The following VAMP1 variants were observed in gnomAD, a reference collection of about 807,000 sequenced individuals.
VAMP1 encodes the protein vesicle associated membrane protein 1, also known as vesicle-associated membrane protein 1.
In VAMP1, 16 loss-of-function variants were observed where a neutral mutation model predicts 19.1. That is an observed-to-expected ratio of 0.84 (90% CI 0.57 to 1.27). The LOEUF is 1.27. VAMP1 is among the 50% of genes most tolerant of loss of function. The pLI, the probability that VAMP1 is intolerant of heterozygous loss-of-function variation, is 0.00. For synonymous variants in VAMP1, 37 were observed against 50.2 expected, an observed-to-expected ratio of 0.74 and a Z score of 1.11; for missense variants, 109 against 145.4, an observed-to-expected ratio of 0.75 and a Z score of 1.29.
At chr12:6,470,421 C>T in intron 1 of VAMP1, 109 bp downstream of exon 1, 3 of 1,541,300 alleles carry the variant, frequency 1.9e-6, no homozygotes, top group South Asian at 2.3e-5. Flanking sequence ...TGGTAGTTCC[C>T]CGCGTTGCTG....
At chr12:6,470,415 A>G in intron 1 of VAMP1, 115 bp downstream of exon 1, 2 of 1,485,550 alleles carry the variant, frequency 1.3e-6, no homozygotes, top group Non-Finnish European at 9.3e-7. Flanking sequence ...GCGCGGTGGT[A>G]GTTCCCCGCG....
In VAMP1 at chr12:6,470,636, T is replaced by TCG; in HGVS notation, c.-107_-106dup. The TCG allele has an allele frequency of 6.7e-7, 1 of 1,487,340 alleles. No homozygotes were observed. The highest frequency in any genetic ancestry group is 1.2e-5 in the South Asian group (1 of 86,486). 92.1% of individuals were successfully genotyped at this position (1,487,340 alleles called of 1,614,324 possible). On this transcript the variant is annotated 5_prime_UTR_variant, in exon 1 of 5. Transcript: ENST00000396308. ...GTGGACGGAACTGCCAAGCTCCGCC[T>TCG]CGCGCCGACTACCCCGCGGTCTAGC...
At position 6,464,325 on chromosome 12, in the gene VAMP1, C is replaced by T. The variant is rs1056780775; in HGVS notation, c.*145G>A. ...TGTTGAGGGACAGAGTGCAAATGAA[C>T]GCAACGAAAAAGGAGGAATGGGTGA... On this transcript the variant is annotated 3_prime_UTR_variant, in exon 5 of 5. Transcript: ENST00000396308. The T allele has an allele frequency of 3.4e-5, 53 of 1,547,970 alleles. 1 individual carries two copies. The highest frequency in any genetic ancestry group is 8.4e-5 in the South Asian group (7 of 83,660).
chr12:6,470,659 A>T lies in VAMP1; in HGVS notation c.-128T>A. On this transcript the variant is annotated 5_prime_UTR_variant, in exon 1 of 5. Coordinates refer to ENST00000396308, the MANE Select transcript of VAMP1 (RefSeq NM_014231.5). ...CCTCGCGCCGACTACCCCGCGGTCT[A>T]GCTGCGCTGGAACTTACTGCAGCTG... The T allele has an allele frequency of 7.9e-7, 1 of 1,266,198 alleles. No individual in the cohort carries two copies. Among genetic ancestry groups the T allele is most frequent in the South Asian group, 1.2e-5 (1 of 80,320 alleles). The allele number at this position is 1,266,198 out of a possible 1,614,324, so 78.4% of individuals were successfully genotyped here.
At position 6,464,906 on chromosome 12, in the gene VAMP1, G is replaced by T; in HGVS notation, c.324C>A (p.Ile108=). The change falls in exon 4 of 5, where the codon ATC becomes ATA. Residue 108 remains isoleucine, a synonymous_variant. Transcript: ENST00000396308. ...GATACTTACTTACAATAACTACCAC[G>T]ATGATGGCACAGATGGCTCCCAGCA... is the stretch of plus-strand genomic sequence containing the variant. ...MIMLGAICAI[I]VVVIVIYFFT 1 of 1,613,874 alleles carries T rather than the reference G, an allele frequency of 6.2e-7. No individual in the cohort carries two copies. The highest frequency in any genetic ancestry group is 1.3e-5 in the African/African-American group (1 of 74,992).
Position 6,464,914 on chromosome 12 carries a change from C to T in VAMP1, c.316G>A (p.Ala106Thr), listed in dbSNP as rs1273511244. ...KMMIMLGAICAIIVVVIVIYF... is the reference protein window; with the variant it reads ...KMMIMLGAICTIIVVVIVIYF... Reference sequence around the variant, plus strand: ...CTTACAATAACTACCACGATGATGGCACAGATGGCTCCCAGCATGATCATC... The same window carrying T: ...CTTACAATAACTACCACGATGATGGTACAGATGGCTCCCAGCATGATCATC... Residue 106 changes from alanine (A) to threonine (T), a missense_variant, in exon 4 of 5, where the codon GCC (alanine) becomes ACC (threonine). By Grantham distance (58) the Ala-to-Thr change is moderately conservative (BLOSUM62 0). Transcript: ENST00000396308. 1.9e-6 allele frequency: 3 copies of T among 1,613,880 alleles called. No homozygotes were observed. Among genetic ancestry groups the T allele is most frequent in the Admixed American group, 1.7e-5 (1 of 59,994 alleles).
At chr12:6,466,487 AG>A (rs1295137406) in intron 1 of VAMP1, 136 bp from the exon 2 acceptor site, 2 of 900,954 alleles carry the variant, frequency 2.2e-6, no homozygotes, top group East Asian at 5.5e-5. Flanking sequence ...GTTCGAGGCC[AG>A]CCTGGGCATC....
chr12:6,464,689 C>A (rs1009142354), intron 4 of VAMP1: 5 of 1,493,550 alleles, frequency 3.3e-6, no homozygotes, highest in Non-Finnish European at 4.4e-6. Flanking sequence ...CCCTGCAATG[C>A]GTTGCAGGGG....
chr12:6,469,728 G>A (rs1379474159), intron 1 of VAMP1, among the ~76,000 whole-genome samples: 1 of 152,210 alleles, frequency 6.6e-6, no homozygotes, highest in Non-Finnish European at 1.5e-5. Context: ...GGTCTTGACA[G>A]AGAAGTACTT....
Position 6,462,955 on chromosome 12 carries a change from G to C in VAMP1, c.*1515C>G, listed in dbSNP as rs1294106827. On this transcript the variant is annotated 3_prime_UTR_variant, in exon 5 of 5. Coordinates refer to ENST00000396308, the MANE Select transcript of VAMP1 (RefSeq NM_014231.5). Reference sequence around the variant, plus strand: ...TGGGCATCCAGACCCTGCCCAGCATGGCCTCAGCCTCTTCCTGTTCGTGGA... The same window carrying C: ...TGGGCATCCAGACCCTGCCCAGCATCGCCTCAGCCTCTTCCTGTTCGTGGA... 1.3e-6 allele frequency: 2 copies of C among 1,553,776 alleles called. No individual in the cohort carries two copies. Among genetic ancestry groups the C allele is most frequent in the Admixed American group, 3.9e-5 (2 of 51,088 alleles).
chr12:6,463,007 T>C lies in VAMP1; in HGVS notation c.*1463A>G, dbSNP rs1357972911. ...CGAGGGAAGAAGGAATAAAGGGCCA[T>C]GGGCATTCTCCGCTCTGTTCCCAGC... On this transcript the variant is annotated 3_prime_UTR_variant, in exon 5 of 5. Coordinates refer to ENST00000396308, the MANE Select transcript of VAMP1 (RefSeq NM_014231.5). The surrounding 1 kb of genome is among the most constrained non-coding windows in gnomAD (Gnocchi z 4.0). 6 of 1,549,704 alleles carry C rather than the reference T, an allele frequency of 3.9e-6. No individual in the cohort carries two copies. The highest frequency in any genetic ancestry group is 2.4e-5 in the East Asian group (1 of 40,916).
At position 6,465,971 on chromosome 12, in the gene VAMP1, GT is replaced by G; in HGVS notation, c.158del (p.Asp53AlafsTer34). The G allele has an allele frequency of 6.2e-7, 1 of 1,614,250 alleles. No homozygotes were observed. Among genetic ancestry groups the G allele is most frequent in the Non-Finnish European group, 8.5e-7 (1 of 1,180,046 alleles). ...EVVDIIRVNV[D>X]KVLERDQKLS... Reference sequence around the variant, plus strand: ...GCTTCTGGTCCCTCTCCAGGACCTTGTCCACGTTCACACGTATGATGTCCAC... The same window carrying G: ...GCTTCTGGTCCCTCTCCAGGACCTTGCCACGTTCACACGTATGATGTCCAC... On this transcript the variant is annotated frameshift_variant, in exon 3 of 5. Transcript: ENST00000396308. LOFTEE classifies it high-confidence loss of function.
Position 6,465,458 on chromosome 12 carries a change from GTA to G in VAMP1, c.288+382_288+383del, listed in dbSNP as rs1285888979. ...TATATATATGTATATATACATATGT[GTA>G]TATATAGTGTGTGTGTGTGTGTGTG... On this transcript the variant is annotated intron_variant, in intron 3 of 4. Coordinates refer to ENST00000396308, the MANE Select transcript of VAMP1 (RefSeq NM_014231.5). The G allele has an allele frequency of 3.9e-5, 4 of 101,846 alleles. 1 individual carries two copies. The Admixed American group carries it at 4.8e-4, about 12-fold the overall frequency. The allele number at this position is 101,846 out of a possible 1,614,324, so 6.3% of individuals were successfully genotyped here.
chr12:6,464,821 G>A (rs1048103146), intron 4 of VAMP1, 69 bp downstream of exon 4: 2 of 1,606,726 alleles, frequency 1.2e-6, no homozygotes, highest in African/African-American at 2.7e-5. Context: ...CAGGCAGGCA[G>A]GCAGGCAGGG....
At chr12:6,469,800 G>A (rs1945724204) in intron 1 of VAMP1, among the ~76,000 whole-genome samples, 1 of 152,176 alleles carries the variant, frequency 6.6e-6, no homozygotes, top group Non-Finnish European at 1.5e-5. Flanking sequence ...GAAGACTGCT[G>A]GAGACTAAAC....
At chr12:6,469,825 GA>G (rs1945725235) in intron 1 of VAMP1, among the ~76,000 whole-genome samples, 2 of 152,202 alleles carry the variant, frequency 1.3e-5, no homozygotes, top group Admixed American at 1.3e-4. Context: ...TGTGTTGGAG[GA>G]AAGGGGGAAA....
At chr12:6,468,762 C>A (rs1169609721) in intron 1 of VAMP1, among the ~76,000 whole-genome samples, 3 of 152,184 alleles carry the variant, frequency 2.0e-5, no homozygotes, top group Non-Finnish European at 2.9e-5. Context: ...GCTAAACTCA[C>A]CTCCTAAAGA....
intron 1 of VAMP1, 90 bp from the exon 2 acceptor site, chr12:6,466,441 A>T (rs1419473316): frequency 1.4e-6 from 2 of 1,436,726 alleles, no homozygotes; most frequent in Admixed American, 4.8e-5. Flanking sequence ...CCAGCTACTC[A>T]AGAGGCTGAA....
intron 1 of VAMP1, among the ~76,000 whole-genome samples, chr12:6,468,711 G>A (rs1386039390): frequency 6.6e-6 from 1 of 152,170 alleles, no homozygotes; most frequent in Non-Finnish European, 1.5e-5. Flanking sequence ...TTAGTGTGTG[G>A]TCTTCAAGAC....
Sources: allele counts gnomAD v4.1 joint callset (sites outside exome capture counted in the v4.1 genomes callset), GRCh38; gene constraint gnomAD v4.1.1; non-coding constraint Gnocchi (gnomAD v3.1); transcripts MANE v1.5; gene names NCBI Gene and HGNC (gene_info 2026-07-23, HGNC 2026-07-21).